The following ZCCHC7 variants were observed in gnomAD, a reference collection of about 807,000 sequenced individuals.
ZCCHC7 encodes the protein zinc finger CCHC-type containing 7.
Under a neutral mutation model 52.0 loss-of-function variants are expected in ZCCHC7, and 35 were observed. The ratio of observed to expected loss-of-function variants is 0.67; its 90% confidence interval spans 0.51 to 0.89. The LOEUF is 0.89. Ranked by LOEUF, ZCCHC7 falls within the 40% of genes least tolerant of loss-of-function variation. ZCCHC7 has a pLI of 0.00. For synonymous variants in ZCCHC7, 217 were observed against 221.5 expected, an observed-to-expected ratio of 0.98 and a Z score of 0.18; for missense variants, 574 against 649.1, an observed-to-expected ratio of 0.88 and a Z score of 1.26.
At chr9:37,338,912 T>C (rs772835398) in intron 6 of ZCCHC7, among the ~76,000 whole-genome samples, 5 of 152,152 alleles carry the variant, frequency 3.3e-5, no homozygotes, top group Admixed American at 1.3e-4. Context: ...AATGATGTAA[T>C]CACCCGATAG....
At chr9:37,282,674 G>A (rs933290354) in intron 2 of ZCCHC7, among the ~76,000 whole-genome samples, 10 of 148,908 alleles carry the variant, frequency 6.7e-5, no homozygotes, top group Admixed American at 6.7e-4. Flanking sequence ...TTCAAGACCA[G>A]CCTGGGCAAC....
intron 5 of ZCCHC7, among the ~76,000 whole-genome samples, chr9:37,315,593 G>A (rs370468885): frequency 2.0e-5 from 3 of 151,752 alleles, no homozygotes; most frequent in South Asian, 2.1e-4. Context: ...TACATCCTAA[G>A]AACACTAATC....
intron 2 of ZCCHC7, among the ~76,000 whole-genome samples, chr9:37,208,258 T>C: frequency 6.6e-6 from 1 of 152,158 alleles, no homozygotes; most frequent in East Asian, 1.9e-4. Flanking sequence ...CTAATTTTTG[T>C]ATTTTTAGTA....
chr9:37,247,274 A>T (rs180685733), intron 2 of ZCCHC7, among the ~76,000 whole-genome samples: 3 of 152,278 alleles, frequency 2.0e-5, no homozygotes, highest in Admixed American at 1.3e-4. Context: ...TTTCCAGTTT[A>T]AAAATGTAGT....
intron 2 of ZCCHC7, among the ~76,000 whole-genome samples, chr9:37,220,012 A>G (rs1824727853): frequency 6.6e-6 from 1 of 152,206 alleles, no homozygotes; most frequent in Non-Finnish European, 1.5e-5. Context: ...AAGGAAAGAA[A>G]GGGTTGATTA....
At chr9:37,214,054 T>G (rs934757999) in intron 2 of ZCCHC7, among the ~76,000 whole-genome samples, 1 of 151,804 alleles carries the variant, frequency 6.6e-6, no homozygotes, top group Non-Finnish European at 1.5e-5. Flanking sequence ...GACAAGAAAA[T>G]TAATTTCTAT....
At chr9:37,171,602 T>TA (rs1821732492) in intron 2 of ZCCHC7, among the ~76,000 whole-genome samples, 1 of 151,950 alleles carries the variant, frequency 6.6e-6, no homozygotes, top group African/African-American at 2.4e-5. Context: ...AAGTTTTTTT[T>TA]AGAGATGGTG....
chr9:37,126,254 A>T, intron 1 of ZCCHC7, 58 bp from the exon 2 acceptor site: 1 of 1,474,148 alleles, frequency 6.8e-7, no homozygotes, highest in Non-Finnish European at 9.1e-7. Context: ...ATTGTTACTT[A>T]AACTGGCATG....
At chr9:37,348,144 A>G (rs1305782492) in intron 6 of ZCCHC7, among the ~76,000 whole-genome samples, 2 of 152,172 alleles carry the variant, frequency 1.3e-5, no homozygotes, top group African/African-American at 4.8e-5. Flanking sequence ...GTCTCTACAT[A>G]GAAACTGCCT....
chr9:37,344,961 T>C (rs1360631276), intron 6 of ZCCHC7, among the ~76,000 whole-genome samples: 1 of 152,246 alleles, frequency 6.6e-6, no homozygotes, highest in Non-Finnish European at 1.5e-5. Flanking sequence ...TATTCTGCTC[T>C]ACTTGTCCCC....
intron 2 of ZCCHC7, among the ~76,000 whole-genome samples, chr9:37,180,314 C>T (rs1401048586): frequency 6.6e-6 from 1 of 152,036 alleles, no homozygotes; most frequent in Non-Finnish European, 1.5e-5. Context: ...CAGAATTCTC[C>T]TGTAAACGTC....
intron 2 of ZCCHC7, among the ~76,000 whole-genome samples, chr9:37,130,364 T>TTTTTTA (rs1554698142): frequency 7.6e-6 from 1 of 131,736 alleles, no homozygotes; most frequent in Admixed American, 7.9e-5. Context: ...TTTTTTTTTT[T>TTTTTTA]ATAGCAGTGG....
At chr9:37,265,545 A>C (rs967779554) in intron 2 of ZCCHC7, among the ~76,000 whole-genome samples, 1 of 152,216 alleles carries the variant, frequency 6.6e-6, no homozygotes, top group Non-Finnish European at 1.5e-5. Flanking sequence ...TTTCTCTGAA[A>C]GTGGCCAAAT....
intron 6 of ZCCHC7, among the ~76,000 whole-genome samples, chr9:37,329,761 C>G (rs1055367891): frequency 1.3e-5 from 2 of 151,844 alleles, no homozygotes; most frequent in Admixed American, 1.3e-4. Flanking sequence ...AGCTCTTTTA[C>G]TAGGCGATGG....
chr9:37,238,766 C>T (rs1464340973), intron 2 of ZCCHC7, among the ~76,000 whole-genome samples: 1 of 151,994 alleles, frequency 6.6e-6, no homozygotes, highest in Non-Finnish European at 1.5e-5. Context: ...GCAGACTTGG[C>T]ATGTCGAATA....
intron 2 of ZCCHC7, chr9:37,145,135 CTTTG>C (rs1374409093): frequency 6.6e-6 from 1 of 151,792 alleles, no homozygotes; most frequent in African/African-American, 2.4e-5. Flanking sequence ...ATATTTGTTT[CTTTG>C]TTTGATTAGT....
At chr9:37,161,763 A>T (rs1049796875) in intron 2 of ZCCHC7, among the ~76,000 whole-genome samples, 1 of 152,226 alleles carries the variant, frequency 6.6e-6, no homozygotes, top group Admixed American at 6.5e-5. Flanking sequence ...TCATAGCTAC[A>T]TAACTCCTTT....
In ZCCHC7 at chr9:37,256,713, A is replaced by AAAATTATGC. The variant is rs141401224; in HGVS notation, c.611-45473_611-45465dup. On this transcript the variant is annotated intron_variant, in intron 2 of 8. Transcript: ENST00000336755. Reference sequence around the variant, plus strand: ...CCACATGACCCATTCATTATGTTACAAAATTATGCATGAGTGAAAATTTCA... The same window carrying AAAATTATGC: ...CCACATGACCCATTCATTATGTTACAAAATTATGCAAATTATGCATGAGTGAAAATTTCA... Among the ~76,000 whole-genome samples the AAAATTATGC allele has an allele frequency of 4.2e-3, 640 of 152,308 alleles. 4 individuals are homozygous for AAAATTATGC. The highest frequency in any genetic ancestry group is 0.015 in the African/African-American group (608 of 41,582).
chr9:37,148,177 A>G (rs1250581007), intron 2 of ZCCHC7, among the ~76,000 whole-genome samples: 3 of 152,154 alleles, frequency 2.0e-5, no homozygotes, highest in African/African-American at 7.2e-5. Flanking sequence ...ATAATAGCCA[A>G]AAATATATAT....
Sources: allele counts gnomAD v4.1 joint callset (sites outside exome capture counted in the v4.1 genomes callset), GRCh38; gene constraint gnomAD v4.1.1; transcripts MANE v1.5; gene names NCBI Gene and HGNC (gene_info 2026-07-23, HGNC 2026-07-21).